RPGRIP1L: variants seen among roughly 807,000 people sequenced by gnomAD.
The protein encoded by RPGRIP1L is protein fantom.
A neutral mutation model predicts 160.4 loss-of-function variants in RPGRIP1L; 131 were observed. The ratio of observed to expected loss-of-function variants is 0.82; its 90% CI spans 0.71 to 0.94. The LOEUF is 0.94. RPGRIP1L is among the 40% of genes least tolerant of loss of function. The probability of loss-of-function intolerance (pLI) is 0.00; values close to 1 mark genes in which losing one functional copy is unlikely to be tolerated. For synonymous variants in RPGRIP1L, 510 were observed against 515.8 expected (o/e 0.99, Z 0.15); for missense variants, 1,522 against 1,535.8 (o/e 0.99, Z 0.15).
intron 22 of RPGRIP1L, among the ~76,000 whole-genome samples, chr16:53,636,047 G>A (rs2072088410): frequency 6.6e-6 from 1 of 152,132 alleles, no homozygotes; most frequent in African/African-American, 2.4e-5. Context: ...GGTAAGAGTA[G>A]TCTATGAATT....
chr16:53,634,246 C>G (rs534716441), intron 22 of RPGRIP1L, among the ~76,000 whole-genome samples: 1 of 152,286 alleles, frequency 6.6e-6, no homozygotes, highest in South Asian at 2.1e-4. Context: ...GTCCTCATGA[C>G]TTAATCAACT....
At chr16:53,681,282 C>T (rs1969586384) in intron 6 of RPGRIP1L, among the ~76,000 whole-genome samples, 2 of 151,964 alleles carry the variant, frequency 1.3e-5, no homozygotes, top group South Asian at 4.1e-4. Flanking sequence ...AAGGTAAACA[C>T]CCTAACATTT....
rs552046407 is a variant in RPGRIP1L at position 53,702,721 on chromosome 16, T to C, written c.-8+1082A>G. Among the ~76,000 whole-genome samples the C allele has an allele frequency of 7.2e-5, 11 of 151,794 alleles. No individual in the cohort carries two copies. In the South Asian group the frequency reaches 2.3e-3, roughly 32 times the overall value. ...TTTTTTGAGACAGGGTCTTGCTATGTTGCCCGGGCTGGCCTTGAATTCATG... is the reference window on the plus strand; with the variant it reads ...TTTTTTGAGACAGGGTCTTGCTATGCTGCCCGGGCTGGCCTTGAATTCATG... On this transcript the variant is annotated intron_variant, in intron 1 of 26. Coordinates refer to ENST00000647211, the MANE Select transcript of RPGRIP1L (RefSeq NM_015272.5).
At chr16:53,692,664 C>A (rs1264539560) in intron 3 of RPGRIP1L, among the ~76,000 whole-genome samples, 1 of 152,090 alleles carries the variant, frequency 6.6e-6, no homozygotes, top group Non-Finnish European at 1.5e-5. Context: ...AACGCATGAC[C>A]TTATATAGGA....
chr16:53,649,518 A>G (rs1484565984), intron 15 of RPGRIP1L, among the ~76,000 whole-genome samples: 3 of 152,232 alleles, frequency 2.0e-5, no homozygotes, highest in Non-Finnish European at 4.4e-5. Flanking sequence ...CCTCAAAAGT[A>G]TAAATATGAC....
At chr16:53,665,303 A>G (rs1260579269) in intron 9 of RPGRIP1L, among the ~76,000 whole-genome samples, 1 of 152,198 alleles carries the variant, frequency 6.6e-6, no homozygotes, top group Non-Finnish European at 1.5e-5. Flanking sequence ...CAGATACTGT[A>G]CATACTCCAG....
At chr16:53,691,962 G>C (rs1970411856) in intron 4 of RPGRIP1L, 104 bp downstream of exon 4, 3 of 1,047,172 alleles carry the variant, frequency 2.9e-6, no homozygotes, top group South Asian at 1.3e-5. Context: ...TCTTCCTAAA[G>C]ACACTTAAAA....
chr16:53,622,363 C>CAAAA lies in RPGRIP1L; in HGVS notation c.3295-11_3295-8dup. On this transcript the variant is annotated splice_polypyrimidine_tract_variant and splice_region_variant and intron_variant, in intron 22 of 26. Coordinates refer to ENST00000647211, the MANE Select transcript of RPGRIP1L (RefSeq NM_015272.5). ...CGGGAGACAATGCGAGACTCTGTCT[C>CAAAA]AAAAAAAAAAAAAAAATCTTAAGAT... 1.6e-5 allele frequency: 7 copies of CAAAA among 439,672 alleles called. No homozygotes were observed. Among genetic ancestry groups the CAAAA allele is most frequent in the East Asian group, 3.6e-5 (1 of 27,742 alleles). The allele number at this position is 439,672 out of a possible 1,614,324, so 27.2% of individuals were successfully genotyped here.
At chr16:53,685,075 C>T (rs1969899098) in intron 6 of RPGRIP1L, among the ~76,000 whole-genome samples, 1 of 152,090 alleles carries the variant, frequency 6.6e-6, no homozygotes, top group Admixed American at 6.6e-5. Context: ...AGACACTTCT[C>T]AAAAGAAGAC....
At chr16:53,685,943 A>T (rs1969977000) in intron 6 of RPGRIP1L, among the ~76,000 whole-genome samples, 1 of 152,206 alleles carries the variant, frequency 6.6e-6, no homozygotes, top group African/African-American at 2.4e-5. Flanking sequence ...TACAGGACCA[A>T]CTGTAATCTT....
chr16:53,646,357 A>G (rs1254060033), intron 16 of RPGRIP1L, among the ~76,000 whole-genome samples: 1 of 152,222 alleles, frequency 6.6e-6, no homozygotes, highest in Non-Finnish European at 1.5e-5. Context: ...TAACTAAAAT[A>G]CATTCACCCG....
chr16:53,661,543 C>G (rs1161405148), intron 10 of RPGRIP1L, among the ~76,000 whole-genome samples: 3 of 151,990 alleles, frequency 2.0e-5, no homozygotes, highest in African/African-American at 7.2e-5. Flanking sequence ...TATGTAAAAA[C>G]AAAGGTACTG....
rs1264422489 is a variant in RPGRIP1L, at chr16:53,601,896, T to C, written c.*180A>G. 5.0e-6 allele frequency: 3 copies of C among 604,506 alleles called. No homozygotes were observed. In the African/African-American group the frequency reaches 5.5e-5, roughly 11 times the overall value. The allele number at this position is 604,506 out of a possible 1,614,324, so 37.4% of individuals were successfully genotyped here. A position where few individuals can be genotyped will look rare whatever the true frequency, so the allele number is the denominator to read the frequency against. ...GGTGGCAGTTATGAGAAGGAGGGAA[T>C]AGAGAAATAAACAAATGAAAAAGTA... On this transcript the variant is annotated 3_prime_UTR_variant, in exon 27 of 27. Transcript: ENST00000647211.
At chr16:53,644,803 A>G (rs1966441107) in intron 17 of RPGRIP1L, among the ~76,000 whole-genome samples, 1 of 152,194 alleles carries the variant, frequency 6.6e-6, no homozygotes, top group South Asian at 2.1e-4. Context: ...AGAATTCACT[A>G]CCAGTAGACC....
chr16:53,626,223 C>A (rs1287304248), intron 22 of RPGRIP1L, among the ~76,000 whole-genome samples: 11 of 143,436 alleles, frequency 7.7e-5, no homozygotes, highest in Admixed American at 7.6e-4. Context: ...AAATAATATA[C>A]TGATTCAAAT....
At chr16:53,624,199 T>G (rs1964920619) in intron 22 of RPGRIP1L, among the ~76,000 whole-genome samples, 1 of 152,150 alleles carries the variant, frequency 6.6e-6, no homozygotes, top group Admixed American at 6.5e-5. Flanking sequence ...GCCTAGAATA[T>G]CTTTTATTTA....
At chr16:53,606,165 TG>T (rs1479303157) in intron 25 of RPGRIP1L, among the ~76,000 whole-genome samples, 3 of 152,252 alleles carry the variant, frequency 2.0e-5, no homozygotes, top group Non-Finnish European at 4.4e-5. Flanking sequence ...CTATATCAAA[TG>T]TTTGTATTAC....
Position 53,657,605 on chromosome 16 carries a change from G to C in RPGRIP1L, c.1429C>G (p.Leu477Val). 1 of 1,592,854 alleles carries C rather than the reference G, an allele frequency of 6.3e-7. No homozygotes were observed. The highest frequency in any genetic ancestry group is 1.3e-5 in the African/African-American group (1 of 74,206). ...KAQKEQKNGD[L>V]SFLVKVDSEI... Reference sequence around the variant, plus strand: ...CTATCTACTTTCACTAAAAAGGAAAGGTCTCCATTTTTTTGTTCTTTTTGA... The same window carrying C: ...CTATCTACTTTCACTAAAAAGGAAACGTCTCCATTTTTTTGTTCTTTTTGA... The change falls in exon 13 of 27, where the codon CTT becomes GTT. Residue 477 changes from leucine (L) to valine (V), a missense_variant. By Grantham distance (32) the Leu-to-Val change is conservative. Coordinates refer to ENST00000647211, the MANE Select transcript of RPGRIP1L (RefSeq NM_015272.5).
intron 2 of RPGRIP1L, among the ~76,000 whole-genome samples, chr16:53,699,159 G>A (rs1322220855): frequency 6.6e-6 from 1 of 151,974 alleles, no homozygotes; most frequent in Non-Finnish European, 1.5e-5. Context: ...GGCAGTGCAA[G>A]ATGTGCTTTG....
Sources: allele counts gnomAD v4.1 joint callset (sites outside exome capture counted in the v4.1 genomes callset), GRCh38; gene constraint gnomAD v4.1.1; transcripts MANE v1.5; gene names NCBI Gene and HGNC (gene_info 2026-07-23, HGNC 2026-07-21).